CNTN6: variants seen among roughly 807,000 people sequenced by gnomAD.
CNTN6 encodes contactin 6, also known as contactin-6.
A neutral mutation model predicts 122.8 loss-of-function variants in CNTN6; 137 were observed. The ratio of observed to expected loss-of-function variants is 1.12; its 90% CI spans 0.97 to 1.29. The LOEUF (loss-of-function observed/expected upper bound fraction) is 1.29, where lower values mean the gene tolerates loss of function less well. CNTN6 is among the 50% of genes most tolerant of loss of function. The pLI is 0.00. For synonymous variants in CNTN6, 570 were observed against 426.0 expected (o/e 1.34, Z -4.16); for missense variants, 1,634 against 1,223.4 (o/e 1.34, Z -5.01).
intron 4 of CNTN6, among the ~76,000 whole-genome samples, chr3:1,270,112 CATA>C (rs1408353273): frequency 1.3e-5 from 2 of 152,036 alleles, no homozygotes; most frequent in Non-Finnish European, 2.9e-5. Flanking sequence ...TGCTAGGAAA[CATA>C]ATAATATCAT....
At position 1,366,436 on chromosome 3, in the gene CNTN6, A is replaced by G. The variant is rs140151193; in HGVS notation, c.1493-5863A>G. 5.3e-3 allele frequency among the ~76,000 whole-genome samples: 810 copies of G among 152,282 alleles called. 4 individuals are homozygous for G. The highest frequency in any genetic ancestry group is 9.3e-3 in the Non-Finnish European group (635 of 68,024). On this transcript the variant is annotated intron_variant, in intron 12 of 22. Transcript: ENST00000446702. ...GTAACTGCAGCTACTCTACTGGCAC[A>G]TATGCACTCTTAGGAAGTGAGTAGA...
At chr3:1,284,411 A>G (rs1011181196) in intron 5 of CNTN6, among the ~76,000 whole-genome samples, 6 of 152,184 alleles carry the variant, frequency 3.9e-5, no homozygotes, top group Non-Finnish European at 8.8e-5. Context: ...TCAAATTGGC[A>G]GTGGATATGT....
At chr3:1,188,581 T>G (rs1171890667) in intron 2 of CNTN6, among the ~76,000 whole-genome samples, 1 of 152,208 alleles carries the variant, frequency 6.6e-6, no homozygotes, top group African/African-American at 2.4e-5. Flanking sequence ...GGCAAGTTTA[T>G]CAATTGAGGT....
chr3:1,182,592 C>T (rs201047211), intron 2 of CNTN6, among the ~76,000 whole-genome samples: 2 of 115,098 alleles, frequency 1.7e-5, no homozygotes, highest in African/African-American at 3.3e-5. Context: ...CCACATTCTC[C>T]TTTTCCTTAG....
At chr3:1,319,833 G>GAAAATAAAATAAAATAAAAT (rs61076777) in intron 7 of CNTN6, among the ~76,000 whole-genome samples, 6,733 of 135,974 alleles carry the variant, frequency 0.05, 255 homozygotes, top group African/African-American at 0.086. Flanking sequence ...ACAGAGAGCA[G>GAAAATAAAATAAAATAAAAT]AAAATAAAAT....
intron 2 of CNTN6, among the ~76,000 whole-genome samples, chr3:1,153,901 G>A (rs955169144): frequency 6.6e-6 from 1 of 152,210 alleles, no homozygotes; most frequent in African/African-American, 2.4e-5. Flanking sequence ...CTTTGGGTCA[G>A]AGTGTGAATG....
At chr3:1,384,041 T>C (rs1692362529) in intron 19 of CNTN6, among the ~76,000 whole-genome samples, 1 of 152,154 alleles carries the variant, frequency 6.6e-6, no homozygotes, top group Non-Finnish European at 1.5e-5. Context: ...GTAAGGGAAA[T>C]CTTTCTAGGT....
At chr3:1,313,855 A>AG (rs1699739394) in intron 7 of CNTN6, among the ~76,000 whole-genome samples, 1 of 152,038 alleles carries the variant, frequency 6.6e-6, no homozygotes, top group Non-Finnish European at 1.5e-5. Flanking sequence ...ATGTCTGGTG[A>AG]GGGCTGATCT....
At chr3:1,384,891 C>G (rs965004580) in intron 19 of CNTN6, among the ~76,000 whole-genome samples, 17 of 150,846 alleles carry the variant, frequency 1.1e-4, no homozygotes, top group African/African-American at 2.2e-4. Flanking sequence ...CTTTTCCACT[C>G]CATGCCAAGA....
chr3:1,293,844 C>T (rs757777402), intron 5 of CNTN6, among the ~76,000 whole-genome samples: 5 of 152,124 alleles, frequency 3.3e-5, no homozygotes, highest in Non-Finnish European at 4.4e-5. Flanking sequence ...ACCTAGTTTC[C>T]GCAGTACACC....
intron 11 of CNTN6, among the ~76,000 whole-genome samples, chr3:1,332,990 G>C (rs974544283): frequency 2.6e-5 from 4 of 152,014 alleles, no homozygotes; most frequent in African/African-American, 7.2e-5. Flanking sequence ...CTTTGGAGAA[G>C]ACAACATCAA....
Position 1,394,695 on chromosome 3 carries a change from CTA to C in CNTN6, c.2705-6736_2705-6735del, listed in dbSNP as rs200287173. Among the ~76,000 whole-genome samples the C allele has an allele frequency of 9.0e-3, 1,368 of 152,178 alleles. 23 individuals are homozygous for C. The highest frequency in any genetic ancestry group is 0.031 in the African/African-American group (1,291 of 41,516). The stretch of plus-strand genomic sequence containing the variant: ...AAGTGTTAGTTTGTGCTAAATTATT[CTA>C]TGTTTTTAAGCAGAAACAAATCCTT... On this transcript the variant is annotated intron_variant, in intron 20 of 22. Coordinates refer to ENST00000446702, the MANE Select transcript of CNTN6 (RefSeq NM_001289080.2).
chr3:1,221,512 T>C (rs1215794870), intron 3 of CNTN6, among the ~76,000 whole-genome samples: 1 of 152,128 alleles, frequency 6.6e-6, no homozygotes, highest in African/African-American at 2.4e-5. Flanking sequence ...AAGACAGCTA[T>C]GTACCCTCTA....
intron 6 of CNTN6, 112 bp from the exon 7 acceptor site, chr3:1,297,777 A>C: frequency 1.2e-6 from 1 of 844,320 alleles, no homozygotes; most frequent in East Asian, 2.5e-5. Context: ...TCTTAACTGA[A>C]AACCCTAACT....
chr3:1,334,588 C>T (rs1481012327), intron 11 of CNTN6, among the ~76,000 whole-genome samples: 1 of 151,960 alleles, frequency 6.6e-6, no homozygotes, highest in African/African-American at 2.4e-5. Flanking sequence ...TAATGATTTG[C>T]TTGGGTGACC....
At chr3:1,395,596 C>T (rs1244163147) in intron 20 of CNTN6, among the ~76,000 whole-genome samples, 1 of 152,112 alleles carries the variant, frequency 6.6e-6, no homozygotes, top group Non-Finnish European at 1.5e-5. Flanking sequence ...TTGTACGGAC[C>T]CTCCTGATGA....
At chr3:1,362,573 G>A (rs550769101) in intron 12 of CNTN6, among the ~76,000 whole-genome samples, 137 of 152,076 alleles carry the variant, frequency 9.0e-4, no homozygotes, top group African/African-American at 3.2e-3. Context: ...ATTAGTAAAG[G>A]GGAGGATGCG....
At chr3:1,297,773 C>T (rs1025712566) in intron 6 of CNTN6, 116 bp from the exon 7 acceptor site, 1 of 797,218 alleles carries the variant, frequency 1.3e-6, no homozygotes, top group Admixed American at 2.5e-5. Flanking sequence ...CAATTCTTAA[C>T]TGAAAACCCT....
In CNTN6 at chr3:1,094,691, A is replaced by C. The variant is rs530786254; in HGVS notation, c.-83+1571A>C. 1.6e-3 allele frequency among the ~76,000 whole-genome samples: 244 copies of C among 151,916 alleles called. 1 individual carries two copies. The highest frequency in any genetic ancestry group is 7.5e-3 in the South Asian group (36 of 4,808). On this transcript the variant is annotated intron_variant, in intron 1 of 22. Transcript: ENST00000446702. ...ATCACATATTTTCTCTGAGTTTAGA[A>C]CCCCCTCTAAAAAAAATCAATTATG...
Sources: allele counts gnomAD v4.1 joint callset (sites outside exome capture counted in the v4.1 genomes callset), GRCh38; gene constraint gnomAD v4.1.1; transcripts MANE v1.5; gene names NCBI Gene and HGNC (gene_info 2026-07-23, HGNC 2026-07-21).